Variants in DRC1 observed in about 807,000 individuals in gnomAD.
DRC1 encodes dynein regulatory complex subunit 1, also known as dynein regulatory complex protein 1.
DRC1 carries 74 observed loss-of-function variants against 98.7 expected under a neutral mutation model. The ratio of observed to expected loss-of-function variants is 0.75; its 90% CI spans 0.62 to 0.91. The LOEUF is 0.91. Ranked by LOEUF, DRC1 falls within the 40% of genes least tolerant of loss-of-function variation. DRC1 has a pLI of 0.00. For synonymous variants in DRC1, 336 were observed against 334.1 expected, an observed-to-expected ratio of 1.01 and a Z score of -0.06; for missense variants, 875 against 886.0, an observed-to-expected ratio of 0.99 and a Z score of 0.16.
At position 26,402,043 on chromosome 2, in the gene DRC1, G is replaced by T; in HGVS notation, c.54G>T (p.Leu18Phe). 6.2e-7 allele frequency: 1 copy of T among 1,613,212 alleles called. No individual in the cohort carries two copies. The highest frequency in any genetic ancestry group is 8.5e-7 in the Non-Finnish European group (1 of 1,179,714). Reference sequence around the variant, plus strand: ...TGGACCCGAACGTGGACGAGCACTTGTCCACCCAGATTCTCGCGCCCTCGG... The same window carrying T: ...TGGACCCGAACGTGGACGAGCACTTTTCCACCCAGATTCTCGCGCCCTCGG... Reference protein sequence around the residue: ...EALDPNVDEHLSTQILAPSVH... With the variant: ...EALDPNVDEHFSTQILAPSVH... The change falls in exon 1 of 17, where the codon TTG (leucine) becomes TTT (phenylalanine). Residue 18 changes from leucine to phenylalanine, a missense_variant. Coordinates refer to ENST00000288710, the MANE Select transcript of DRC1 (RefSeq NM_145038.5).
chr2:26,405,817 C>T (rs1332487321), intron 1 of DRC1, among the ~76,000 whole-genome samples: 2 of 152,044 alleles, frequency 1.3e-5, no homozygotes, highest in Non-Finnish European at 2.9e-5. Flanking sequence ...GCTGCCACCA[C>T]ACCCAGCTAA....
At chr2:26,421,210 T>C in intron 2 of DRC1, 78 bp from the exon 3 acceptor site, 1 of 1,340,018 alleles carries the variant, frequency 7.5e-7, no homozygotes. Flanking sequence ...TGCGGACAGT[T>C]GTGCAAAAAT....
intron 5 of DRC1, among the ~76,000 whole-genome samples, chr2:26,430,272 G>A (rs949047103): frequency 3.9e-5 from 6 of 152,144 alleles, no homozygotes; most frequent in Non-Finnish European, 5.9e-5. Context: ...TGAATGAAAT[G>A]TTCAAGATTG....
rs759457812 is a variant in DRC1 at position 26,429,697 on chromosome 2, C to T, written c.610C>T (p.Leu204=). Residue 204 remains leucine (L), a synonymous_variant, in exon 5 of 17, where the codon CTG becomes TTG. Transcript: ENST00000288710. ...KKQSDDICLL[L]ERMEEQVKNV... is the part of the protein sequence containing the mutation. ...ACAGTCAGATGACATCTGCCTGCTTCTGGAGCGGATGGAAGAACAGGTGAA... is the reference window on the plus strand; with the variant it reads ...ACAGTCAGATGACATCTGCCTGCTTTTGGAGCGGATGGAAGAACAGGTGAA... The T allele has an allele frequency of 6.2e-7, 1 of 1,614,118 alleles. No individual in the cohort carries two copies. The highest frequency in any genetic ancestry group is 1.7e-5 in the Admixed American group (1 of 60,024).
chr2:26,430,988 T>G (rs1283200389), intron 6 of DRC1, 116 bp downstream of exon 6: 2 of 831,088 alleles, frequency 2.4e-6, no homozygotes, highest in Non-Finnish European at 3.4e-6. Context: ...TGAGATGGAA[T>G]CTTGCTTCTG....
intron 4 of DRC1, among the ~76,000 whole-genome samples, chr2:26,427,451 G>A (rs1663314273): frequency 6.6e-6 from 1 of 151,810 alleles, no homozygotes; most frequent in Admixed American, 6.6e-5. Context: ...AATTTTATGG[G>A]TAGGTGTATA....
intron 13 of DRC1, among the ~76,000 whole-genome samples, chr2:26,452,985 C>T (rs1182259081): frequency 6.6e-6 from 1 of 152,108 alleles, no homozygotes; most frequent in East Asian, 1.9e-4. Context: ...GGAGGAAGAC[C>T]TTTTAAATTT....
At chr2:26,427,111 C>CATTTA (rs891488428) in intron 4 of DRC1, among the ~76,000 whole-genome samples, 2 of 151,822 alleles carry the variant, frequency 1.3e-5, no homozygotes, top group African/African-American at 4.8e-5. Context: ...ATTTTTTAAA[C>CATTTA]ATTTAATTTA....
At chr2:26,404,944 CT>C (rs1485356449) in intron 1 of DRC1, among the ~76,000 whole-genome samples, 1 of 152,190 alleles carries the variant, frequency 6.6e-6, no homozygotes, top group Non-Finnish European at 1.5e-5. Flanking sequence ...CTAAACATTT[CT>C]GGGTATCCTC....
intron 6 of DRC1, 74 bp from the exon 7 acceptor site, chr2:26,431,810 G>A (rs540462609): frequency 1.1e-4 from 177 of 1,589,286 alleles, no homozygotes; most frequent in Admixed American, 1.5e-4. Context: ...GTGTCATGCT[G>A]GGCAGGCCAT....
At chr2:26,413,636 TG>T (rs1439620275) in intron 1 of DRC1, among the ~76,000 whole-genome samples, 4 of 152,230 alleles carry the variant, frequency 2.6e-5, no homozygotes, top group African/African-American at 9.6e-5. Flanking sequence ...GGAAACTGCC[TG>T]TTCATATCCT....
chr2:26,416,935 A>G (rs1186078964), intron 2 of DRC1, among the ~76,000 whole-genome samples: 1 of 152,216 alleles, frequency 6.6e-6, no homozygotes, highest in Non-Finnish European at 1.5e-5. Context: ...TAATCATGGC[A>G]GAAGGCAAAG....
At position 26,423,532 on chromosome 2, in the gene DRC1, C is replaced by G. The variant is rs367845473; in HGVS notation, c.357-739C>G. On this transcript the variant is annotated intron_variant, in intron 3 of 16. Transcript: ENST00000288710. ...TGCCTTCCTGCCACCTCGCCCCAGC[C>G]TCGGTGTGCTCTATCACGGAGGTTC... 1.4e-4 allele frequency among the ~76,000 whole-genome samples: 21 copies of G among 152,262 alleles called. 1 individual carries two copies. Among genetic ancestry groups the G allele is most frequent in the Admixed American group, 1.0e-3 (16 of 15,296 alleles).
chr2:26,442,387 C>T (rs1663740671), intron 8 of DRC1, among the ~76,000 whole-genome samples: 1 of 152,174 alleles, frequency 6.6e-6, no homozygotes, highest in African/African-American at 2.4e-5. Flanking sequence ...CTCCTCAGGC[C>T]TCATCTATTA....
rs5830010 is a variant in DRC1, at chr2:26,406,813, C to CTTTT, written c.155+4688_155+4691dup. On this transcript the variant is annotated intron_variant, in intron 1 of 16. Coordinates refer to ENST00000288710, the MANE Select transcript of DRC1 (RefSeq NM_145038.5). ...GACATTTCTGGGAGATGTCACTTTC[C>CTTTT]TTTTTTTTTTTTTTTTTTTTTTGAG... is the stretch of plus-strand genomic sequence containing the variant. Among the ~76,000 whole-genome samples the CTTTT allele has an allele frequency of 3.3e-3, 331 of 101,534 alleles. 1 individual carries two copies. Among genetic ancestry groups the CTTTT allele is most frequent in the African/African-American group, 5.2e-3 (121 of 23,164 alleles). The allele number at this position is 101,534 out of a possible 152,430, so 66.6% of individuals were successfully genotyped here. A position where few individuals can be genotyped will look rare whatever the true frequency, so the allele number is the denominator to read the frequency against.
intron 2 of DRC1, among the ~76,000 whole-genome samples, chr2:26,415,849 T>C (rs1400229674): frequency 6.6e-6 from 1 of 151,474 alleles, no homozygotes; most frequent in Non-Finnish European, 1.5e-5. Context: ...GGAGGATTCC[T>C]TGAACCCACG....
At chr2:26,436,548 A>T (rs1468748798) in intron 7 of DRC1, among the ~76,000 whole-genome samples, 1 of 152,102 alleles carries the variant, frequency 6.6e-6, no homozygotes, top group African/African-American at 2.4e-5. Flanking sequence ...CCTGGCCTCA[A>T]GCAATCCTCC....
At chr2:26,407,346 C>G (rs899629546) in intron 1 of DRC1, among the ~76,000 whole-genome samples, 1 of 152,088 alleles carries the variant, frequency 6.6e-6, no homozygotes, top group Non-Finnish European at 1.5e-5. Flanking sequence ...GAAAAATAAG[C>G]TGATAGTGAA....
chr2:26,413,957 A>G (rs368712132), intron 1 of DRC1, among the ~76,000 whole-genome samples: 2 of 151,792 alleles, frequency 1.3e-5, no homozygotes, highest in African/African-American at 4.8e-5. Flanking sequence ...GTGTCTCTCT[A>G]TGTTGCCCAG....
Sources: allele counts gnomAD v4.1 joint callset (sites outside exome capture counted in the v4.1 genomes callset), GRCh38; gene constraint gnomAD v4.1.1; transcripts MANE v1.5; gene names NCBI Gene and HGNC (gene_info 2026-07-23, HGNC 2026-07-21).